DTNA: variants seen among roughly 807,000 people sequenced by gnomAD.
The protein encoded by DTNA is dystrobrevin alpha.
DTNA carries 43 observed loss-of-function variants against 100.7 expected under a neutral mutation model. The observed-to-expected ratio is 0.43, with a 90% CI of 0.33 to 0.55. The LOEUF (loss-of-function observed/expected upper bound fraction) is 0.55. DTNA is among the 20% of genes least tolerant of loss of function. The pLI, the probability that DTNA is intolerant of heterozygous loss-of-function variation, is 0.04. For missense variants in DTNA, 798 were observed against 953.9 expected (o/e 0.84, Z 2.15); for synonymous variants, 349 against 347.9 (o/e 1.00, Z -0.04).
At chr18:34,543,370 C>T (rs1270830810) in intron 1 of DTNA, among the ~76,000 whole-genome samples, 1 of 151,990 alleles carries the variant, frequency 6.6e-6, no homozygotes, top group Non-Finnish European at 1.5e-5. Flanking sequence ...TGTCTTTCAG[C>T]ACACAATAGA....
intron 1 of DTNA, among the ~76,000 whole-genome samples, chr18:34,673,759 T>C (rs2077061179): frequency 6.6e-6 from 1 of 152,230 alleles, no homozygotes; most frequent in South Asian, 2.1e-4. Flanking sequence ...TGACAGCTAT[T>C]TTGTCCAAAT....
At position 34,735,507 on chromosome 18, in the gene DTNA, G is replaced by A. The variant is rs181072455; in HGVS notation, c.-1-20469G>A. The stretch of plus-strand genomic sequence containing the variant: ...GTGCATTATAAACCAAGAAGAGCAC[G>A]AAGACATTTTTTAATGGATTCTTTT... On this transcript the variant is annotated intron_variant, in intron 1 of 22. Transcript: ENST00000444659. Among the ~76,000 whole-genome samples the A allele has an allele frequency of 2.2e-4, 33 of 152,254 alleles. No individual in the cohort carries two copies. The East Asian group carries it at 4.6e-3, about 21-fold the overall frequency.
chr18:34,762,900 C>T (rs959805278), intron 2 of DTNA, among the ~76,000 whole-genome samples: 1 of 152,190 alleles, frequency 6.6e-6, no homozygotes, highest in African/African-American at 2.4e-5. Context: ...AGTCAGTGCA[C>T]TTCAGGCCCA....
At chr18:34,546,428 A>G (rs568919251) in intron 1 of DTNA, among the ~76,000 whole-genome samples, 4 of 152,204 alleles carry the variant, frequency 2.6e-5, no homozygotes, top group Admixed American at 2.6e-4. Context: ...TCTTTAATCA[A>G]TGAGAAGGAA....
chr18:34,649,396 C>A (rs531359726), intron 1 of DTNA, among the ~76,000 whole-genome samples: 26 of 152,284 alleles, frequency 1.7e-4, no homozygotes, highest in African/African-American at 5.5e-4. Context: ...GGACGTTATA[C>A]CCACGATCAG....
chr18:34,862,463 A>G (rs1157624569), intron 16 of DTNA, among the ~76,000 whole-genome samples: 1 of 151,692 alleles, frequency 6.6e-6, no homozygotes, highest in African/African-American at 2.4e-5. Flanking sequence ...AATTTATTCA[A>G]AAAGAATTGT....
chr18:34,882,739 GA>G (rs1442704991), intron 21 of DTNA, among the ~76,000 whole-genome samples: 1 of 151,872 alleles, frequency 6.6e-6, no homozygotes, highest in Admixed American at 6.6e-5. Context: ...TCTTATATTG[GA>G]AAAAAACAAG....
At chr18:34,766,138 C>A in intron 3 of DTNA, 97 bp downstream of exon 3, 1 of 1,329,660 alleles carries the variant, frequency 7.5e-7, no homozygotes, top group Non-Finnish European at 1.1e-6. Flanking sequence ...ACAAATATTG[C>A]TAATATTGTT....
intron 1 of DTNA, among the ~76,000 whole-genome samples, chr18:34,641,439 C>T (rs1430017487): frequency 6.6e-6 from 1 of 152,252 alleles, no homozygotes; most frequent in Non-Finnish European, 1.5e-5. Flanking sequence ...TCCGTTTACC[C>T]AGGCTAAACC....
intron 1 of DTNA, among the ~76,000 whole-genome samples, chr18:34,556,367 T>G (rs1365952564): frequency 2.0e-5 from 3 of 152,178 alleles, no homozygotes; most frequent in Non-Finnish European, 4.4e-5. Context: ...TTAGTCCATT[T>G]ACATTTAAAG....
chr18:34,874,236 T>G (rs576176496), intron 17 of DTNA, among the ~76,000 whole-genome samples: 1 of 152,304 alleles, frequency 6.6e-6, no homozygotes, highest in Admixed American at 6.5e-5. Flanking sequence ...TCTCTGGGCC[T>G]TGCTGGAGAA....
chr18:34,524,219 G>C (rs547336052), intron 1 of DTNA, among the ~76,000 whole-genome samples: 6 of 152,064 alleles, frequency 3.9e-5, no homozygotes, highest in Non-Finnish European at 7.4e-5. Flanking sequence ...GCAATAAATA[G>C]AACTCCATAG....
intron 4 of DTNA, among the ~76,000 whole-genome samples, chr18:34,797,298 G>A (rs144695186): frequency 1.6e-4 from 24 of 152,268 alleles, no homozygotes; most frequent in Non-Finnish European, 2.6e-4. Flanking sequence ...TTTTTAAGGC[G>A]TCTAGTGGAA....
In DTNA at chr18:34,794,309, A is replaced by T. The variant is rs1160799685; in HGVS notation, c.362+59A>T. ...ATGTTTGGCTTTCACTTCCTGTCTT[A>T]CTTGGTCTTTTTCCCAAACAATTTT... On this transcript the variant is annotated intron_variant, in intron 4 of 22. Transcript: ENST00000444659. 4.4e-6 allele frequency: 7 copies of T among 1,595,962 alleles called. No homozygotes were observed. The East Asian group carries it at 1.1e-4, about 25-fold the overall frequency.
chr18:34,807,190 TAAATTTA>T (rs894675037), intron 5 of DTNA, among the ~76,000 whole-genome samples: 3 of 152,236 alleles, frequency 2.0e-5, no homozygotes, highest in African/African-American at 7.2e-5. Context: ...TGCCGCTGTT[TAAATTTA>T]AAATTTCCAT....
chr18:34,815,191 A>G (rs2095568413), intron 6 of DTNA, among the ~76,000 whole-genome samples: 1 of 152,156 alleles, frequency 6.6e-6, no homozygotes, highest in Non-Finnish European at 1.5e-5. Context: ...ATTTTTGCAT[A>G]TAAATATGTA....
At chr18:34,859,332 G>A (rs940027204) in intron 16 of DTNA, among the ~76,000 whole-genome samples, 5 of 152,196 alleles carry the variant, frequency 3.3e-5, no homozygotes, top group African/African-American at 7.2e-5. Context: ...TTATTGAAAC[G>A]AAAGTACACT....
intron 1 of DTNA, among the ~76,000 whole-genome samples, chr18:34,552,306 C>A (rs1317432463): frequency 6.6e-6 from 1 of 151,858 alleles, no homozygotes; most frequent in African/African-American, 2.4e-5. Context: ...ACAAAAAAAG[C>A]CCCTGAGTTA....
chr18:34,537,608 A>C (rs2043844284), intron 1 of DTNA, among the ~76,000 whole-genome samples: 1 of 152,034 alleles, frequency 6.6e-6, no homozygotes, highest in Non-Finnish European at 1.5e-5. Flanking sequence ...AAATTCTGAA[A>C]TTTTAGGCAT....
Sources: allele counts gnomAD v4.1 joint callset (sites outside exome capture counted in the v4.1 genomes callset), GRCh38; gene constraint gnomAD v4.1.1; transcripts MANE v1.5; gene names NCBI Gene and HGNC (gene_info 2026-07-23, HGNC 2026-07-21).